FBXL17: variants seen among roughly 807,000 people sequenced by gnomAD.
FBXL17 encodes F-box and leucine rich repeat protein 17.
FBXL17 carries 22 observed loss-of-function variants against 66.2 expected under a neutral mutation model. That is an observed-to-expected ratio of 0.33 (90% CI 0.24 to 0.47). FBXL17 has a LOEUF of 0.47. FBXL17 is among the 20% of genes least tolerant of loss of function. The pLI is 1.00. For synonymous variants in FBXL17, 474 were observed against 400.5 expected (o/e 1.18, Z -2.19); for missense variants, 878 against 948.2 (o/e 0.93, Z 0.97).
chr5:108,043,310 C>A (rs1031446488), intron 6 of FBXL17, among the ~76,000 whole-genome samples: 12 of 151,892 alleles, frequency 7.9e-5, no homozygotes, highest in Non-Finnish European at 4.4e-5. Context: ...AGCCCTAGAC[C>A]CTGAAGGTTT....
chr5:108,163,439 C>T lies in FBXL17; in HGVS notation c.1745+22678G>A, dbSNP rs934163850. ...TTTTTGAGACAGAGTCTTGGTCTGT[C>T]GCCCAGGCTGGAGTGCAGTGGCGCG... is the stretch of plus-strand genomic sequence containing the variant. On this transcript the variant is annotated intron_variant, in intron 6 of 8. Transcript: ENST00000542267. Among the ~76,000 whole-genome samples the T allele has an allele frequency of 4.5e-4, 59 of 131,666 alleles. 1 individual carries two copies. The highest frequency in any genetic ancestry group is 8.0e-4 in the Non-Finnish European group (52 of 65,282). The allele number at this position is 131,666 out of a possible 152,430, so 86.4% of individuals were successfully genotyped here. A position where few individuals can be genotyped will look rare whatever the true frequency, so the allele number is the denominator to read the frequency against.
intron 6 of FBXL17, among the ~76,000 whole-genome samples, chr5:108,036,923 T>G (rs1746863790): frequency 6.6e-6 from 1 of 152,148 alleles, no homozygotes; most frequent in African/African-American, 2.4e-5. Flanking sequence ...AGGACTGGTT[T>G]GCTTATAGTT....
intron 5 of FBXL17, among the ~76,000 whole-genome samples, chr5:108,208,004 A>G (rs1199314305): frequency 6.6e-6 from 1 of 152,170 alleles, no homozygotes; most frequent in Non-Finnish European, 1.5e-5. Context: ...AATGATTGCC[A>G]TTAATGATCT....
chr5:107,947,340 G>A (rs1156528221), intron 7 of FBXL17, among the ~76,000 whole-genome samples: 1 of 152,240 alleles, frequency 6.6e-6, no homozygotes, highest in African/African-American at 2.4e-5. Flanking sequence ...CACAGGCCTT[G>A]CCTGGGCTGG....
intron 6 of FBXL17, among the ~76,000 whole-genome samples, chr5:108,047,117 T>C (rs1003267836): frequency 6.6e-6 from 1 of 152,182 alleles, no homozygotes; most frequent in African/African-American, 2.4e-5. Context: ...AACCAAGGTA[T>C]CAAGGTTCTT....
intron 8 of FBXL17, 49 bp from the exon 9 acceptor site, chr5:107,861,909 C>T (rs774399364): frequency 1.1e-5 from 15 of 1,418,882 alleles, no homozygotes; most frequent in African/African-American, 5.8e-5. Context: ...ACCAACACCA[C>T]GCCGCTGCCC....
At chr5:108,056,102 CT>C (rs1747700145) in intron 6 of FBXL17, among the ~76,000 whole-genome samples, 1 of 152,192 alleles carries the variant, frequency 6.6e-6, no homozygotes, top group African/African-American at 2.4e-5. Flanking sequence ...ATAAAGTTAT[CT>C]ATCTAGTCAA....
intron 7 of FBXL17, among the ~76,000 whole-genome samples, chr5:107,899,247 C>A (rs1749487136): frequency 1.3e-5 from 2 of 152,158 alleles, no homozygotes; most frequent in Admixed American, 1.3e-4. Flanking sequence ...TGTAAGAACA[C>A]AGTGTACAAT....
chr5:108,149,753 T>G (rs1248502159), intron 6 of FBXL17, among the ~76,000 whole-genome samples: 1 of 152,208 alleles, frequency 6.6e-6, no homozygotes, highest in East Asian at 1.9e-4. Context: ...GCCCTAACTT[T>G]AAGATAGTCC....
chr5:108,346,177 G>A (rs1434311055), intron 4 of FBXL17, among the ~76,000 whole-genome samples: 1 of 151,762 alleles, frequency 6.6e-6, no homozygotes, highest in Non-Finnish European at 1.5e-5. Context: ...ACTTCCTATA[G>A]GAGGTTAGTT....
At chr5:108,201,704 C>A (rs1032350268) in intron 5 of FBXL17, among the ~76,000 whole-genome samples, 1 of 151,714 alleles carries the variant, frequency 6.6e-6, no homozygotes, top group Non-Finnish European at 1.5e-5. Context: ...TTCTCTAATT[C>A]GGGCAGTCTG....
intron 7 of FBXL17, among the ~76,000 whole-genome samples, chr5:107,946,003 G>T (rs1751266888): frequency 6.6e-6 from 1 of 151,660 alleles, no homozygotes; most frequent in East Asian, 1.9e-4. Context: ...TTGAAATAGA[G>T]ATTTTAAAGC....
intron 6 of FBXL17, among the ~76,000 whole-genome samples, chr5:108,163,246 C>T (rs1390596670): frequency 6.6e-6 from 1 of 152,102 alleles, no homozygotes; most frequent in African/African-American, 2.4e-5. Flanking sequence ...TTATATTCTC[C>T]TTACCATTTA....
At chr5:108,041,032 C>A (rs573713671) in intron 6 of FBXL17, among the ~76,000 whole-genome samples, 1 of 152,052 alleles carries the variant, frequency 6.6e-6, no homozygotes, top group East Asian at 1.9e-4. Flanking sequence ...TCTCTGTGAT[C>A]CTATCATCTT....
intron 3 of FBXL17, among the ~76,000 whole-genome samples, chr5:108,353,733 T>C (rs1019993249): frequency 2.0e-5 from 3 of 152,042 alleles, no homozygotes; most frequent in Non-Finnish European, 4.4e-5. Flanking sequence ...CAGCCCTCTC[T>C]AGCCATCCCA....
At chr5:108,002,945 T>C (rs1267951225) in intron 7 of FBXL17, among the ~76,000 whole-genome samples, 3 of 152,196 alleles carry the variant, frequency 2.0e-5, no homozygotes, top group African/African-American at 7.2e-5. Context: ...AGGATCTTAA[T>C]GGAGTGAAAG....
At chr5:108,323,171 G>A (rs907470426) in intron 4 of FBXL17, among the ~76,000 whole-genome samples, 2 of 151,710 alleles carry the variant, frequency 1.3e-5, no homozygotes, top group Non-Finnish European at 2.9e-5. Context: ...AATTATCTCT[G>A]TTCACAGATG....
chr5:108,210,850 A>C, intron 5 of FBXL17, among the ~76,000 whole-genome samples: 1 of 152,060 alleles, frequency 6.6e-6, no homozygotes, highest in South Asian at 2.1e-4. Context: ...AGCTGAGTTC[A>C]AGTTCTGAGT....
chr5:107,966,432 AT>A (rs1257141165), intron 7 of FBXL17, among the ~76,000 whole-genome samples: 1 of 141,756 alleles, frequency 7.1e-6, no homozygotes, highest in Non-Finnish European at 1.6e-5. Flanking sequence ...TGGTGAGGTC[AT>A]TTGTCCAGTG....
Sources: allele counts gnomAD v4.1 joint callset (sites outside exome capture counted in the v4.1 genomes callset), GRCh38; gene constraint gnomAD v4.1.1; transcripts MANE v1.5; gene names NCBI Gene and HGNC (gene_info 2026-07-23, HGNC 2026-07-21).